CNDP1: variants seen among roughly 807,000 people sequenced by gnomAD.
CNDP1 encodes carnosine dipeptidase 1.
A neutral mutation model predicts 58.1 loss-of-function variants in CNDP1; 44 were observed. The observed-to-expected ratio is 0.76, with a 90% CI of 0.60 to 0.97. The LOEUF (loss-of-function observed/expected upper bound fraction) is 0.97. Ranked by LOEUF, CNDP1 falls within the 50% of genes least tolerant of loss-of-function variation. CNDP1 has a pLI of 0.00. For synonymous variants in CNDP1, 254 were observed against 252.6 expected (o/e 1.01, Z -0.05); for missense variants, 616 against 655.1 (o/e 0.94, Z 0.65).
At chr18:74,577,159 G>A in intron 8 of CNDP1, 130 bp downstream of exon 8, 1 of 872,478 alleles carries the variant, frequency 1.1e-6, no homozygotes, top group Non-Finnish European at 1.6e-6. Context: ...GAATTCCCAG[G>A]CATATTTTTG....
At chr18:74,577,902 GT>G (rs1011421716) in intron 8 of CNDP1, 10 of 347,460 alleles carry the variant, frequency 2.9e-5, no homozygotes, top group African/African-American at 1.9e-4. Flanking sequence ...TTTGCCATTT[GT>G]TAACTGAAAA....
chr18:74,559,171 G>T, intron 2 of CNDP1, 152 bp from the exon 3 acceptor site: 1 of 716,786 alleles, frequency 1.4e-6, no homozygotes, highest in East Asian at 2.6e-5. Context: ...ACTCTTAAAT[G>T]TCACAGTGTT....
Position 74,567,363 on chromosome 18 carries a change from A to G in CNDP1, c.686A>G (p.Asn229Ser). The G allele has an allele frequency of 6.2e-7, 1 of 1,614,064 alleles. No individual in the cohort carries two copies. The highest frequency in any genetic ancestry group is 1.1e-5 in the South Asian group (1 of 91,076). Residue 229 changes from asparagine to serine, a missense_variant, in exon 6 of 12, where the codon AAC (asparagine) becomes AGC (serine). By Grantham distance (46) the Asn-to-Ser change is conservative. Transcript: ENST00000358821. ...GTGGACTACATTGTAATTTCAGATA[A>G]CCTGTGGATCAGCCAAAGGAAGCCA... Reference protein sequence around the residue: ...SGVDYIVISDNLWISQRKPAI... With the variant: ...SGVDYIVISDSLWISQRKPAI...
chr18:74,534,720 G>A (rs370626080), intron 1 of CNDP1, 29 bp downstream of exon 1: 11 of 1,613,062 alleles, frequency 6.8e-6, no homozygotes, highest in South Asian at 2.2e-5. Flanking sequence ...ATCAGAGTCC[G>A]TGCATTGGGT....
In CNDP1 at chr18:74,562,037, C is replaced by T. The variant is rs770554951; in HGVS notation, c.467-10C>T. The T allele has an allele frequency of 2.3e-5, 37 of 1,613,252 alleles. No individual in the cohort carries two copies. The highest frequency in any genetic ancestry group is 3.0e-5 in the Non-Finnish European group (35 of 1,179,446). ...ACACTTCTCTGAACATTCTTCTCCC[C>T]TTTTTAAAGGGAAACTTTATGGACG... is the stretch of plus-strand genomic sequence containing the variant. On this transcript the variant is annotated splice_polypyrimidine_tract_variant and intron_variant, in intron 4 of 11. Transcript: ENST00000358821.
At chr18:74,550,552 G>A (rs563623756) in intron 1 of CNDP1, among the ~76,000 whole-genome samples, 1 of 151,746 alleles carries the variant, frequency 6.6e-6, no homozygotes, top group African/African-American at 2.4e-5. Flanking sequence ...AGTGAAGGCT[G>A]GGGGACTATT....
intron 6 of CNDP1, among the ~76,000 whole-genome samples, chr18:74,569,300 C>T (rs1206609757): frequency 3.3e-5 from 5 of 151,968 alleles, no homozygotes; most frequent in Admixed American, 3.3e-4. Flanking sequence ...ACCAGCTGGG[C>T]AGGAAGGATG....
Position 74,565,699 on chromosome 18 carries a change from C to T in CNDP1, c.556-1534C>T, listed in dbSNP as rs554624774. On this transcript the variant is annotated intron_variant, in intron 5 of 11. Coordinates refer to ENST00000358821, the MANE Select transcript of CNDP1 (RefSeq NM_032649.6). ...GCCCCTGTGGCTTTGCAGGGTACAGCCTCCCTCCTGGCTGCTTTCATGGGC... is the reference window on the plus strand; with the variant it reads ...GCCCCTGTGGCTTTGCAGGGTACAGTCTCCCTCCTGGCTGCTTTCATGGGC... Among the ~76,000 whole-genome samples the T allele has an allele frequency of 2.0e-5, 3 of 152,326 alleles. No homozygotes were observed. The South Asian group carries it at 6.2e-4, about 32-fold the overall frequency.
intron 10 of CNDP1, 82 bp downstream of exon 10, chr18:74,580,353 A>T (rs1981758895): frequency 2.2e-6 from 3 of 1,374,494 alleles, no homozygotes; most frequent in Admixed American, 3.9e-5. Flanking sequence ...TAAAGCAGAC[A>T]CTTTTAAAAC....
chr18:74,534,750 CG>C, intron 1 of CNDP1, 59 bp downstream of exon 1: 1 of 1,602,050 alleles, frequency 6.2e-7, no homozygotes, highest in South Asian at 1.1e-5. Flanking sequence ...CCATTTGTCC[CG>C]GGAGCATGTG....
intron 9 of CNDP1, among the ~76,000 whole-genome samples, chr18:74,579,474 G>A (rs1419308512): frequency 2.0e-5 from 3 of 150,752 alleles, no homozygotes; most frequent in African/African-American, 4.9e-5. Context: ...TCCTTGTCTT[G>A]TTCACAGCTG....
chr18:74,550,718 A>G (rs1175874094), intron 1 of CNDP1, among the ~76,000 whole-genome samples: 4 of 150,814 alleles, frequency 2.7e-5, no homozygotes, highest in Non-Finnish European at 5.9e-5. Context: ...CTGGGACTAC[A>G]GGCACCTGCC....
chr18:74,563,642 C>G (rs938074037), intron 5 of CNDP1, among the ~76,000 whole-genome samples: 1 of 152,134 alleles, frequency 6.6e-6, no homozygotes, highest in Non-Finnish European at 1.5e-5. Context: ...GGGGATGGTG[C>G]GCGAGGTCCT....
In CNDP1 at chr18:74,569,382, C is replaced by T. The variant is rs527945239; in HGVS notation, c.757-1804C>T. ...GAAATTGGTAATTGATTGGATATGG[C>T]GTATATAGGAGAAATCATGCTGGTA... On this transcript the variant is annotated intron_variant, in intron 6 of 11. Transcript: ENST00000358821. Among the ~76,000 whole-genome samples the T allele has an allele frequency of 4.1e-4, 62 of 152,030 alleles. 1 individual carries two copies. The highest frequency in any genetic ancestry group is 7.9e-4 in the Non-Finnish European group (54 of 67,986).
rs982981976 is a variant in CNDP1, at chr18:74,578,384, G to A, written c.1167+57G>A. 109 of 1,505,706 alleles carry A rather than the reference G, an allele frequency of 7.2e-5. No individual in the cohort carries two copies. In the African/African-American group the frequency reaches 1.1e-3, roughly 15 times the overall value. The allele number at this position is 1,505,706 out of a possible 1,614,324, so 93.3% of individuals were successfully genotyped here. ...TTCAGTAACATGGTTTCTGAATCCC[G>A]CACATCACGGCTTAGTGAGCAGTGA... On this transcript the variant is annotated intron_variant, in intron 9 of 11. Coordinates refer to ENST00000358821, the MANE Select transcript of CNDP1 (RefSeq NM_032649.6).
chr18:74,559,062 C>T (rs1301289836), intron 2 of CNDP1, among the ~76,000 whole-genome samples: 1 of 152,110 alleles, frequency 6.6e-6, no homozygotes, highest in African/African-American at 2.4e-5. Context: ...GGACCCAGAC[C>T]ATCACCTTTC....
At chr18:74,548,836 G>C (rs141857891) in intron 1 of CNDP1, among the ~76,000 whole-genome samples, 1 of 152,224 alleles carries the variant, frequency 6.6e-6, no homozygotes, top group Admixed American at 6.5e-5. Flanking sequence ...GCTCACCCAT[G>C]TTATGCCTTA....
intron 1 of CNDP1, among the ~76,000 whole-genome samples, chr18:74,553,541 G>A (rs770637833): frequency 7.9e-5 from 12 of 152,042 alleles, no homozygotes; most frequent in South Asian, 2.1e-4. Flanking sequence ...AATGATCTCC[G>A]CACCCTCGAT....
At chr18:74,557,471 CAGG>C (rs1981073169) in intron 2 of CNDP1, among the ~76,000 whole-genome samples, 1 of 152,096 alleles carries the variant, frequency 6.6e-6, no homozygotes, top group African/African-American at 2.4e-5. Flanking sequence ...GCCTGGGGAG[CAGG>C]AGGAGACAGG....
Sources: allele counts gnomAD v4.1 joint callset (sites outside exome capture counted in the v4.1 genomes callset), GRCh38; gene constraint gnomAD v4.1.1; transcripts MANE v1.5; gene names NCBI Gene and HGNC (gene_info 2026-07-23, HGNC 2026-07-21).